Variants in SIK3 observed in about 807,000 individuals in gnomAD.
SIK3 encodes the protein serine/threonine-protein kinase SIK3.
SIK3 carries 28 observed loss-of-function variants against 144.2 expected under a neutral mutation model. The observed-to-expected ratio is 0.19, with a 90% CI of 0.14 to 0.27. The LOEUF is 0.27. Among genes scored for constraint, SIK3 ranks in the 10% least tolerant of loss-of-function variants. The probability of loss-of-function intolerance (pLI) is 1.00; values close to 1 mark genes in which losing one functional copy is unlikely to be tolerated. For missense variants in SIK3, 1,319 were observed against 1,776.0 expected, an observed-to-expected ratio of 0.74 and a Z score of 4.62; for synonymous variants, 686 against 676.3, an observed-to-expected ratio of 1.01 and a Z score of -0.22.
At chr11:117,011,294 G>A (rs570357053) in intron 1 of SIK3, among the ~76,000 whole-genome samples, 2 of 152,050 alleles carry the variant, frequency 1.3e-5, no homozygotes, top group Admixed American at 6.6e-5. Context: ...GATTAGTCAA[G>A]CTAAACCACA....
intron 1 of SIK3, among the ~76,000 whole-genome samples, chr11:117,069,401 T>C (rs1954163062): frequency 6.6e-6 from 1 of 152,172 alleles, no homozygotes; most frequent in Admixed American, 6.6e-5. Flanking sequence ...AGTATATATT[T>C]CTAAAAGGTA....
At chr11:116,854,885 G>A (rs1396295320) in intron 21 of SIK3, among the ~76,000 whole-genome samples, 8 of 151,926 alleles carry the variant, frequency 5.3e-5, no homozygotes, top group Non-Finnish European at 8.8e-5. Context: ...GAAGTCAGGA[G>A]TTCAAGACCA....
At chr11:117,045,800 T>G (rs1318781799) in intron 1 of SIK3, among the ~76,000 whole-genome samples, 1 of 152,262 alleles carries the variant, frequency 6.6e-6, no homozygotes, top group African/African-American at 2.4e-5. Context: ...TTTTGGCATC[T>G]GTTTCTTAAA....
In SIK3 at chr11:116,873,644, G is replaced by C. The variant is rs771366962; in HGVS notation, c.1582-8C>G. 6.5e-7 allele frequency: 1 copy of C among 1,542,322 alleles called. No individual in the cohort carries two copies. On this transcript the variant is annotated splice_polypyrimidine_tract_variant and splice_region_variant and intron_variant, in intron 12 of 24. Coordinates refer to ENST00000445177, the MANE Select transcript of SIK3 (RefSeq NM_001366686.3). ...CTGTAGGAGAGACTGCTCCTGCCAG[G>C]AACAGAGTGGGGAGGACGGACCATG...
At chr11:117,052,516 T>C (rs1953305937) in intron 1 of SIK3, among the ~76,000 whole-genome samples, 1 of 152,200 alleles carries the variant, frequency 6.6e-6, no homozygotes, top group South Asian at 2.1e-4. Context: ...ATGTTTACAA[T>C]AAAGAAATCT....
At chr11:117,057,833 T>A (rs1407345522) in intron 1 of SIK3, among the ~76,000 whole-genome samples, 2 of 152,178 alleles carry the variant, frequency 1.3e-5, no homozygotes, top group South Asian at 2.1e-4. Flanking sequence ...TACCCACCTA[T>A]ACAACTCATA....
intron 1 of SIK3, among the ~76,000 whole-genome samples, chr11:117,066,534 C>T (rs1364712718): frequency 3.1e-5 from 4 of 131,034 alleles, no homozygotes; most frequent in African/African-American, 1.1e-4. Flanking sequence ...AGAAACAATC[C>T]TTTTTTTTTT....
intron 1 of SIK3, among the ~76,000 whole-genome samples, chr11:117,023,621 A>AAAAAAATATAT (rs754624841): frequency 2.0e-4 from 19 of 95,404 alleles, no homozygotes; most frequent in African/African-American, 8.3e-4. Flanking sequence ...AAAAAAAAAA[A>AAAAAAATATAT]ATATATATAT....
chr11:116,992,902 T>G (rs562056306), intron 1 of SIK3, among the ~76,000 whole-genome samples: 1 of 152,246 alleles, frequency 6.6e-6, no homozygotes, highest in African/African-American at 2.4e-5. Flanking sequence ...GGAGGGTCAC[T>G]TAAGTCCAGG....
intron 3 of SIK3, among the ~76,000 whole-genome samples, chr11:116,936,074 A>G (rs552384681): frequency 6.6e-6 from 1 of 152,324 alleles, no homozygotes; most frequent in Admixed American, 6.5e-5. Flanking sequence ...CAGGAGTTCA[A>G]GATCAGCCTG....
intron 1 of SIK3, among the ~76,000 whole-genome samples, chr11:117,019,818 A>G (rs958638139): frequency 6.6e-6 from 1 of 152,066 alleles, no homozygotes; most frequent in Non-Finnish European, 1.5e-5. Context: ...TTTCACCGTG[A>G]ATCCAGGAGG....
At chr11:116,876,435 G>A (rs1591442876) in intron 7 of SIK3, 72 bp from the exon 8 acceptor site, 1 of 1,232,210 alleles carries the variant, frequency 8.1e-7, no homozygotes, top group Non-Finnish European at 1.2e-6. Context: ...CATATATAAT[G>A]ACCAACCTGT....
chr11:116,934,977 C>T (rs985415341), intron 3 of SIK3, among the ~76,000 whole-genome samples: 4 of 152,038 alleles, frequency 2.6e-5, no homozygotes, highest in South Asian at 2.1e-4. Context: ...CCCAGCTATT[C>T]GGGAGGCTGA....
intron 1 of SIK3, among the ~76,000 whole-genome samples, chr11:117,010,997 G>A (rs1027159425): frequency 1.8e-4 from 27 of 152,128 alleles, no homozygotes; most frequent in African/African-American, 5.3e-4. Flanking sequence ...GCGCATGCCT[G>A]TAGTCCCAGC....
intron 1 of SIK3, among the ~76,000 whole-genome samples, chr11:116,979,858 G>T (rs992868890): frequency 6.6e-6 from 1 of 151,104 alleles, no homozygotes; most frequent in African/African-American, 2.4e-5. Flanking sequence ...AACAAACAAA[G>T]AAAAAAAAGA....
rs575389128 is a variant in SIK3, at chr11:117,034,045, C to T, written c.273+64098G>A. 1.7e-4 allele frequency among the ~76,000 whole-genome samples: 26 copies of T among 152,106 alleles called. No homozygotes were observed. In the South Asian group the frequency reaches 5.4e-3, roughly 32 times the overall value. Reference sequence around the variant, plus strand: ...TATAAAACAGATTTATAATCGCTGCCATGTATCATTCTGGGGGAGAAAAAA... The same window carrying T: ...TATAAAACAGATTTATAATCGCTGCTATGTATCATTCTGGGGGAGAAAAAA... On this transcript the variant is annotated intron_variant, in intron 1 of 24. Transcript: ENST00000445177.
At chr11:117,021,272 A>G (rs920330668) in intron 1 of SIK3, among the ~76,000 whole-genome samples, 10 of 152,126 alleles carry the variant, frequency 6.6e-5, no homozygotes, top group African/African-American at 9.7e-5. Flanking sequence ...TAAACATTAA[A>G]CCTTCAGAAC....
chr11:116,928,370 T>C (rs1413366872), intron 3 of SIK3, among the ~76,000 whole-genome samples: 1 of 152,208 alleles, frequency 6.6e-6, no homozygotes, highest in African/African-American at 2.4e-5. Flanking sequence ...AATAGTCTCA[T>C]GAGCACTGTC....
At chr11:116,880,673 G>T (rs1591454111) in intron 6 of SIK3, among the ~76,000 whole-genome samples, 1 of 152,228 alleles carries the variant, frequency 6.6e-6, no homozygotes, top group East Asian at 1.9e-4. Flanking sequence ...ATAAAACATG[G>T]AAACAGGGTG....
Sources: gnomAD v4.1 joint callset for allele counts (sites outside exome capture counted in the v4.1 genomes callset) on GRCh38, gnomAD v4.1.1 for gene constraint, MANE v1.5 for transcripts, NCBI Gene and HGNC (gene_info 2026-07-23, HGNC 2026-07-21) for gene names.